The following REPS2 variants were observed in gnomAD, a reference collection of about 807,000 sequenced individuals.
The protein encoded by REPS2 is ralBP1-associated Eps domain-containing protein 2.
In REPS2, 23 loss-of-function variants were observed where a neutral mutation model predicts 53.6. The observed-to-expected ratio is 0.43, with a 90% confidence interval of 0.31 to 0.61. The LOEUF (loss-of-function observed/expected upper bound fraction) is 0.61, where lower values mean the gene tolerates loss of function less well. Among genes scored for constraint, REPS2 ranks in the 20% least tolerant of loss-of-function variants. The probability of loss-of-function intolerance (pLI) is 0.11; values close to 1 mark genes in which losing one functional copy is unlikely to be tolerated. For synonymous variants in REPS2, 238 were observed against 218.6 expected (o/e 1.09, Z -0.78); for missense variants, 446 against 534.9 (o/e 0.83, Z 1.64).
At chrX:17,133,991 T>A in intron 15 of REPS2, 84 bp downstream of exon 15, 1 of 715,049 alleles carries the variant, frequency 1.4e-6, no homozygotes, top group Non-Finnish European at 2.2e-6. Context: ...TCTATTGTTT[T>A]AAGGTTTCTG....
At position 17,150,185 on chromosome X, in the gene REPS2, A is replaced by G. The variant is rs2063555930; in HGVS notation, c.*2704A>G. 2.7e-5 allele frequency: 3 copies of G among 112,813 alleles called. No homozygotes were observed. The highest frequency in any genetic ancestry group is 9.7e-5 in the African/African-American group (3 of 30,908). The allele number at this position is 112,813 out of a possible 1,213,427, so 9.3% of individuals were successfully genotyped here. On this transcript the variant is annotated 3_prime_UTR_variant, in exon 18 of 18. Coordinates refer to ENST00000357277, the MANE Select transcript of REPS2 (RefSeq NM_004726.3). ...TTAATTTAGGATTGTAACGCCTAAT[A>G]ATATTTCTGTGAGCCTTTAATGTGA...
At chrX:17,083,071 C>T (rs1009146151) in intron 13 of REPS2, among the ~76,000 whole-genome samples, 5 of 104,918 alleles carry the variant, frequency 4.8e-5, no homozygotes, top group African/African-American at 3.6e-5. Context: ...AGAAATGTTC[C>T]GAGCACTTTT....
At position 16,949,066 on chromosome X, in the gene REPS2, A is replaced by G. The variant is rs750975648; in HGVS notation, c.273+1932A>G. ...AGCAGACACCTAATTTTCACCCATC[A>G]CTTTGGTGGTGGTGGTGGTGGTGGT... On this transcript the variant is annotated intron_variant, in intron 1 of 17. Coordinates refer to ENST00000357277, the MANE Select transcript of REPS2 (RefSeq NM_004726.3). Among the ~76,000 whole-genome samples the G allele has an allele frequency of 8.9e-5, 5 of 56,434 alleles. No homozygotes were observed. The South Asian group carries it at 4.8e-3, about 55-fold the overall frequency. The allele number at this position is 56,434 out of a possible 115,157, so 49.0% of individuals were successfully genotyped here.
At chrX:17,186,071 TATACTTC>T in the REPS2 span, among the ~76,000 whole-genome samples, 7 of 112,877 alleles carry the variant, frequency 6.2e-5, no homozygotes, top group Non-Finnish European at 9.4e-5. Context: ...TGTTTCAAAG[TATACTTC>T]ATATTTCAGA....
intron 5 of REPS2, among the ~76,000 whole-genome samples, chrX:17,035,649 TA>T (rs2061756073): frequency 2.7e-5 from 3 of 111,011 alleles, no homozygotes; most frequent in Non-Finnish European, 3.8e-5. Flanking sequence ...ATACAGATTT[TA>T]AAAATATGTC....
At chrX:16,971,821 A>G (rs1009868300) in intron 1 of REPS2, among the ~76,000 whole-genome samples, 9 of 112,368 alleles carry the variant, frequency 8.0e-5, no homozygotes, top group African/African-American at 2.6e-4. Context: ...TGCAAAACCA[A>G]TTGACCTTAT....
the REPS2 span, among the ~76,000 whole-genome samples, chrX:17,160,914 C>G: frequency 8.9e-6 from 1 of 111,973 alleles, no homozygotes; most frequent in Non-Finnish European, 1.9e-5. Flanking sequence ...ATGTTGAGAG[C>G]AGATAACTTG....
chrX:17,012,450 G>A (rs963845876), intron 2 of REPS2, among the ~76,000 whole-genome samples: 2 of 111,680 alleles, frequency 1.8e-5, no homozygotes, highest in African/African-American at 6.5e-5. Flanking sequence ...CAAAGTTACC[G>A]GTATTGCTAG....
In REPS2 at chrX:17,025,088, C is replaced by G; in HGVS notation, c.576C>G (p.Pro192=). 1 of 1,211,442 alleles carries G rather than the reference C, an allele frequency of 8.3e-7. No homozygotes were observed. Among genetic ancestry groups the G allele is most frequent in the South Asian group, 1.8e-5 (1 of 56,974 alleles). Residue 192 remains proline, a synonymous_variant, in exon 4 of 18, where the codon CCC becomes CCG. Coordinates refer to ENST00000357277, the MANE Select transcript of REPS2 (RefSeq NM_004726.3). ...AAACACAGTCTCCCACGATGTCACC[C>G]CTCGCCTCCCCTCCTTCTTCCCCGC... ...QQETQSPTMS[P]LASPPSSPPH...
chrX:17,089,027 T>G (rs1275776956), intron 13 of REPS2, among the ~76,000 whole-genome samples: 3 of 111,406 alleles, frequency 2.7e-5, no homozygotes, highest in Non-Finnish European at 3.8e-5. Flanking sequence ...ATATCTAAAG[T>G]TAAAGGATGT....
the REPS2 span, among the ~76,000 whole-genome samples, chrX:17,196,210 A>C: frequency 8.9e-6 from 1 of 111,857 alleles, no homozygotes; most frequent in Admixed American, 9.5e-5. Flanking sequence ...AATTTCAACT[A>C]GATTTTTTAA....
intron 14 of REPS2, among the ~76,000 whole-genome samples, chrX:17,108,874 G>A (rs929859614): frequency 9.1e-6 from 1 of 109,498 alleles, no homozygotes; most frequent in Non-Finnish European, 1.9e-5. Flanking sequence ...ACTCATGGAA[G>A]GGGTGAGATG....
chrX:17,176,882 C>G, the REPS2 span, among the ~76,000 whole-genome samples: 1 of 112,242 alleles, frequency 8.9e-6, no homozygotes, highest in Non-Finnish European at 1.9e-5. Flanking sequence ...CTTATCTCTT[C>G]GTTTGACTAA....
At chrX:17,014,449 T>C (rs746271248) in intron 2 of REPS2, among the ~76,000 whole-genome samples, 2 of 111,555 alleles carry the variant, frequency 1.8e-5, no homozygotes, top group Non-Finnish European at 3.8e-5. Context: ...CATTTCCTAA[T>C]TGACAAGAGG....
chrX:17,163,910 G>A, the REPS2 span, among the ~76,000 whole-genome samples: 3 of 111,984 alleles, frequency 2.7e-5, no homozygotes, highest in African/African-American at 9.7e-5. Context: ...ATAAAAAACA[G>A]TATAAATATA....
intron 1 of REPS2, among the ~76,000 whole-genome samples, chrX:16,964,463 C>T (rs1174068702): frequency 9.2e-6 from 1 of 108,801 alleles, no homozygotes; most frequent in African/African-American, 3.4e-5. Context: ...TCCGATTTCT[C>T]AATCTTTTCC....
chrX:17,161,766 A>G, the REPS2 span, among the ~76,000 whole-genome samples: 1 of 112,057 alleles, frequency 8.9e-6, no homozygotes, highest in Non-Finnish European at 1.9e-5. Flanking sequence ...GGAAACTAAT[A>G]CAAAGTCTGT....
At chrX:17,056,275 A>G (rs906154593) in intron 8 of REPS2, among the ~76,000 whole-genome samples, 1 of 112,384 alleles carries the variant, frequency 8.9e-6, no homozygotes, top group Non-Finnish European at 1.9e-5. Context: ...CCCAGCTGGT[A>G]TAAAATGAAG....
At chrX:16,976,898 TC>T (rs1260590341) in intron 1 of REPS2, among the ~76,000 whole-genome samples, 3 of 111,733 alleles carry the variant, frequency 2.7e-5, no homozygotes, top group Non-Finnish European at 5.6e-5. Context: ...CTCTTTTTTT[TC>T]CTTGACAAAT....
Sources: gnomAD v4.1 joint callset for allele counts (sites outside exome capture counted in the v4.1 genomes callset) on GRCh38, gnomAD v4.1.1 for gene constraint, MANE v1.5 for transcripts, NCBI Gene and HGNC (gene_info 2026-07-23, HGNC 2026-07-21) for gene names.